Variants in PGM5 observed in about 807,000 individuals in gnomAD.
The protein encoded by PGM5 is phosphoglucomutase-like protein 5.
In PGM5, 23 loss-of-function variants were observed where a neutral mutation model predicts 59.2. That is an observed-to-expected ratio of 0.39 (90% CI 0.28 to 0.55). The LOEUF (loss-of-function observed/expected upper bound fraction) is 0.55. PGM5 is among the 20% of genes least tolerant of loss of function. The pLI, the probability that PGM5 is intolerant of heterozygous loss-of-function variation, is 0.66. For synonymous variants in PGM5, 214 were observed against 286.0 expected (o/e 0.75, Z 2.54); for missense variants, 574 against 748.3 (o/e 0.77, Z 2.72).
chr9:68,474,149 G>A (rs1755186947), intron 7 of PGM5, among the ~76,000 whole-genome samples: 2 of 152,056 alleles, frequency 1.3e-5, no homozygotes, highest in South Asian at 4.1e-4. Context: ...TATTTTATTG[G>A]CTCAGGGTGA....
chr9:68,443,614 A>G (rs1307479789), intron 6 of PGM5, among the ~76,000 whole-genome samples: 4 of 152,096 alleles, frequency 2.6e-5, no homozygotes, highest in African/African-American at 7.2e-5. Context: ...CTCTTTATCA[A>G]CTCTCCTCCA....
intron 1 of PGM5, among the ~76,000 whole-genome samples, chr9:68,368,401 T>C (rs1461350817): frequency 6.6e-6 from 1 of 151,136 alleles, no homozygotes; most frequent in Non-Finnish European, 1.5e-5. Context: ...CAGTACAACA[T>C]TGATCAGGTA....
chr9:68,421,172 C>G (rs1266602639), intron 6 of PGM5, among the ~76,000 whole-genome samples: 1 of 152,224 alleles, frequency 6.6e-6, no homozygotes, highest in Non-Finnish European at 1.5e-5. Flanking sequence ...CATTTGCACT[C>G]TGCCCCGTTC....
chr9:68,433,305 C>T (rs188375961), intron 6 of PGM5, among the ~76,000 whole-genome samples: 1 of 152,182 alleles, frequency 6.6e-6, no homozygotes, highest in Non-Finnish European at 1.5e-5. Flanking sequence ...AGAAGATGAC[C>T]TCTGTGTTCC....
chr9:68,438,099 G>A (rs1326805282), intron 6 of PGM5, among the ~76,000 whole-genome samples: 1 of 151,720 alleles, frequency 6.6e-6, no homozygotes, highest in Non-Finnish European at 1.5e-5. Flanking sequence ...ACCAACTTGG[G>A]CAACATGGCG....
At chr9:68,475,227 G>T (rs1824085303) in intron 7 of PGM5, among the ~76,000 whole-genome samples, 1 of 145,066 alleles carries the variant, frequency 6.9e-6, no homozygotes, top group South Asian at 2.2e-4. Context: ...TAGAGACGAG[G>T]TTTCACCATG....
chr9:68,425,303 A>T (rs1554682622), intron 6 of PGM5, among the ~76,000 whole-genome samples: 1 of 152,198 alleles, frequency 6.6e-6, no homozygotes, highest in Admixed American at 6.5e-5. Context: ...TTTTCAAAAG[A>T]TGGCAGGCAG....
At chr9:68,416,597 C>A (rs1200838953) in intron 6 of PGM5, among the ~76,000 whole-genome samples, 1 of 152,212 alleles carries the variant, frequency 6.6e-6, no homozygotes, top group Non-Finnish European at 1.5e-5. Context: ...AATATGTATT[C>A]TCTTTCTTCT....
chr9:68,357,481 G>A (rs1206609041), intron 1 of PGM5, 93 bp downstream of exon 1: 2 of 1,511,658 alleles, frequency 1.3e-6, no homozygotes, highest in South Asian at 2.5e-5. Flanking sequence ...CCAGTTGGGA[G>A]GCCCCTGCCC....
At chr9:68,526,580 G>A (rs1390789110) in intron 10 of PGM5, among the ~76,000 whole-genome samples, 2 of 152,130 alleles carry the variant, frequency 1.3e-5, no homozygotes, top group Non-Finnish European at 2.9e-5. Flanking sequence ...TCTTTAATAT[G>A]AGCATACTGT....
chr9:68,388,763 A>G (rs1822292048), intron 4 of PGM5, among the ~76,000 whole-genome samples: 1 of 152,284 alleles, frequency 6.6e-6, no homozygotes, highest in South Asian at 2.1e-4. Flanking sequence ...TAGCTATTAT[A>G]TTAAACTTGA....
intron 10 of PGM5, among the ~76,000 whole-genome samples, chr9:68,528,889 T>A (rs551799191): frequency 4.6e-5 from 7 of 152,238 alleles, no homozygotes; most frequent in Admixed American, 2.0e-4. Context: ...CGGAAAACAA[T>A]GCCTCAATCC....
At chr9:68,440,906 A>C (rs1329799753) in intron 6 of PGM5, among the ~76,000 whole-genome samples, 4 of 152,088 alleles carry the variant, frequency 2.6e-5, no homozygotes, top group African/African-American at 9.6e-5. Flanking sequence ...AAAATTGATA[A>C]ACCTTTAGCA....
chr9:68,363,650 C>T (rs1834623626), intron 1 of PGM5, among the ~76,000 whole-genome samples: 1 of 152,290 alleles, frequency 6.6e-6, no homozygotes, highest in African/African-American at 2.4e-5. Flanking sequence ...GTATCAGCAG[C>T]TGGAAGACTC....
chr9:68,480,709 A>AC (rs1178629017), intron 8 of PGM5, among the ~76,000 whole-genome samples: 1 of 151,720 alleles, frequency 6.6e-6, no homozygotes, highest in Non-Finnish European at 1.5e-5. Context: ...AAAAAAAAAA[A>AC]CAAAACAAAA....
intron 9 of PGM5, among the ~76,000 whole-genome samples, chr9:68,494,611 C>T (rs1256922440): frequency 1.3e-5 from 2 of 152,182 alleles, no homozygotes; most frequent in African/African-American, 4.8e-5. Context: ...TAAAGACCTC[C>T]CACTGATTTC....
At chr9:68,372,912 G>C (rs1821778213) in intron 1 of PGM5, among the ~76,000 whole-genome samples, 1 of 152,106 alleles carries the variant, frequency 6.6e-6, no homozygotes, top group Non-Finnish European at 1.5e-5. Flanking sequence ...ATCGTCAAGG[G>C]CATGGTGCTA....
At chr9:68,411,765 G>C (rs550850112) in intron 6 of PGM5, among the ~76,000 whole-genome samples, 3 of 152,250 alleles carry the variant, frequency 2.0e-5, no homozygotes, top group East Asian at 3.9e-4. Flanking sequence ...TGCCACAATA[G>C]AGGCAATGAG....
chr9:68,399,356 G>C (rs555711272), intron 6 of PGM5: 9 of 152,116 alleles, frequency 5.9e-5, no homozygotes, highest in Admixed American at 5.9e-4. Flanking sequence ...ACTTAATTTA[G>C]TCAATTTTAA....
Sources: gnomAD v4.1 joint callset for allele counts (sites outside exome capture counted in the v4.1 genomes callset) on GRCh38, gnomAD v4.1.1 for gene constraint, MANE v1.5 for transcripts, NCBI Gene and HGNC (gene_info 2026-07-23, HGNC 2026-07-21) for gene names.